Variants in RAB3B observed in about 807,000 individuals in gnomAD.
The protein encoded by RAB3B is RAB3B, member RAS oncogene family.
RAB3B carries 11 observed loss-of-function variants against 20.5 expected under a neutral mutation model. The observed-to-expected ratio is 0.54, with a 90% CI of 0.34 to 0.89. The LOEUF is 0.89. RAB3B is among the 40% of genes least tolerant of loss of function. RAB3B has a pLI of 0.02. For synonymous variants in RAB3B, 99 were observed against 106.3 expected (o/e 0.93, Z 0.42); for missense variants, 225 against 280.9 (o/e 0.80, Z 1.42).
chr1:51,947,748 A>G (rs1684584766), intron 2 of RAB3B, among the ~76,000 whole-genome samples: 1 of 152,000 alleles, frequency 6.6e-6, no homozygotes, highest in South Asian at 2.1e-4. Context: ...ACCCTCTCCC[A>G]GCTTCTCTGC....
chr1:51,922,110 C>T (rs1168541069), intron 4 of RAB3B, among the ~76,000 whole-genome samples: 7 of 152,210 alleles, frequency 4.6e-5, no homozygotes, highest in African/African-American at 1.7e-4. Flanking sequence ...TCATTATACT[C>T]AGGCCATAGA....
intron 4 of RAB3B, among the ~76,000 whole-genome samples, chr1:51,928,691 A>G (rs1371039341): frequency 6.6e-6 from 1 of 152,050 alleles, no homozygotes; most frequent in African/African-American, 2.4e-5. Flanking sequence ...GCATCATCTG[A>G]TCTCTCCCCA....
intron 3 of RAB3B, among the ~76,000 whole-genome samples, chr1:51,936,256 C>T (rs928707236): frequency 6.6e-6 from 1 of 152,148 alleles, no homozygotes; most frequent in African/African-American, 2.4e-5. Flanking sequence ...ATGTGTCCTT[C>T]CCCTCAGGCT....
At position 51,915,481 on chromosome 1, in the gene RAB3B, C is replaced by T. The variant is rs1388840273; in HGVS notation, c.*4446G>A. Reference sequence around the variant, plus strand: ...TAAGCTCCTTTCCAGATCTGATAATCGATGAGTCTGTGACCATTCAGTACA... The same window carrying T: ...TAAGCTCCTTTCCAGATCTGATAATTGATGAGTCTGTGACCATTCAGTACA... On this transcript the variant is annotated 3_prime_UTR_variant, in exon 5 of 5. Coordinates refer to ENST00000371655, the MANE Select transcript of RAB3B (RefSeq NM_002867.4). 1.3e-5 allele frequency: 2 copies of T among 152,092 alleles called. No individual in the cohort carries two copies. The highest frequency in any genetic ancestry group is 2.9e-5 in the Non-Finnish European group (2 of 68,020). 9.4% of individuals were successfully genotyped at this position (152,092 alleles called of 1,614,324 possible).
Position 51,915,931 on chromosome 1 carries a change from A to T in RAB3B, c.*3996T>A, listed in dbSNP as rs563785556. Reference sequence around the variant, plus strand: ...GGTCTTGAACTCCTGACCTCAGGTGATCTGCCCACCTCGGCCTCCCAAAGT... The same window carrying T: ...GGTCTTGAACTCCTGACCTCAGGTGTTCTGCCCACCTCGGCCTCCCAAAGT... On this transcript the variant is annotated 3_prime_UTR_variant, in exon 5 of 5. Transcript: ENST00000371655. 1 of 152,244 alleles carries T rather than the reference A, an allele frequency of 6.6e-6. No homozygotes were observed. The highest frequency in any genetic ancestry group is 1.5e-5 in the Non-Finnish European group (1 of 68,080). The allele number at this position is 152,244 out of a possible 1,614,324, so 9.4% of individuals were successfully genotyped here.
At chr1:51,939,454 C>G (rs1293593435) in intron 2 of RAB3B, among the ~76,000 whole-genome samples, 1 of 152,026 alleles carries the variant, frequency 6.6e-6, no homozygotes, top group Non-Finnish European at 1.5e-5. Context: ...GGGTCTCACT[C>G]TGTCACTCAA....
In RAB3B at chr1:51,908,840, C is replaced by T. The variant is rs1165270513; in HGVS notation, c.*11087G>A. The T allele has an allele frequency of 6.6e-6, 1 of 152,218 alleles. No individual in the cohort carries two copies. The highest frequency in any genetic ancestry group is 1.5e-5 in the Non-Finnish European group (1 of 68,128). The allele number at this position is 152,218 out of a possible 1,614,324, so 9.4% of individuals were successfully genotyped here. ...CACTGATGCAGGCCTCAGTCTTCCTCATCTGTACTGGAAATAATAAAACCC... is the reference window on the plus strand; with the variant it reads ...CACTGATGCAGGCCTCAGTCTTCCTTATCTGTACTGGAAATAATAAAACCC... On this transcript the variant is annotated 3_prime_UTR_variant, in exon 5 of 5. Coordinates refer to ENST00000371655, the MANE Select transcript of RAB3B (RefSeq NM_002867.4).
At position 51,914,158 on chromosome 1, in the gene RAB3B, C is replaced by T. The variant is rs1684048917; in HGVS notation, c.*5769G>A. 6.6e-6 allele frequency: 1 copy of T among 152,198 alleles called. No individual in the cohort carries two copies. Among genetic ancestry groups the T allele is most frequent in the South Asian group, 2.1e-4 (1 of 4,820 alleles). The allele number at this position is 152,198 out of a possible 1,614,324, so 9.4% of individuals were successfully genotyped here. A position where few individuals can be genotyped will look rare whatever the true frequency, so the allele number is the denominator to read the frequency against. On this transcript the variant is annotated 3_prime_UTR_variant, in exon 5 of 5. Coordinates refer to ENST00000371655, the MANE Select transcript of RAB3B (RefSeq NM_002867.4). Reference sequence around the variant, plus strand: ...GTCCTTCAGAAAACAACAATGAACTCCTAGCCAGGCAGTCTAACAATGTTT... The same window carrying T: ...GTCCTTCAGAAAACAACAATGAACTTCTAGCCAGGCAGTCTAACAATGTTT...
chr1:51,942,330 T>C (rs960018379), intron 2 of RAB3B, among the ~76,000 whole-genome samples: 2 of 152,220 alleles, frequency 1.3e-5, no homozygotes, highest in Admixed American at 6.5e-5. Context: ...GTCACCCAAC[T>C]GAATCCCAAC....
intron 4 of RAB3B, among the ~76,000 whole-genome samples, chr1:51,926,920 T>G (rs1266735062): frequency 1.3e-5 from 2 of 152,238 alleles, no homozygotes; most frequent in Non-Finnish European, 2.9e-5. Flanking sequence ...ACTGGTTTAC[T>G]GTACTGGTGA....
chr1:51,937,456 T>C (rs1407200238), intron 2 of RAB3B, 44 bp from the exon 3 acceptor site: 1 of 1,415,178 alleles, frequency 7.1e-7, no homozygotes, highest in Non-Finnish European at 9.6e-7. Flanking sequence ...AAAGTCTGCT[T>C]TGGTTCCTAA....
At chr1:51,949,870 T>A (rs1684614574) in intron 2 of RAB3B, among the ~76,000 whole-genome samples, 1 of 152,150 alleles carries the variant, frequency 6.6e-6, no homozygotes, top group African/African-American at 2.4e-5. Context: ...GCCTTTTGGG[T>A]ACTTGCATTC....
chr1:51,918,018 C>G lies in RAB3B; in HGVS notation c.*1909G>C, dbSNP rs943585844. On this transcript the variant is annotated 3_prime_UTR_variant, in exon 5 of 5. Transcript: ENST00000371655. ...AGAGAAGAAAGGTTTTCTGGAATCA[C>G]TGCCAGTTCCATGTCATTATTTCAG... 6.6e-6 allele frequency: 1 copy of G among 152,232 alleles called. No individual in the cohort carries two copies. Among genetic ancestry groups the G allele is most frequent in the African/African-American group, 2.4e-5 (1 of 41,458 alleles). The allele number at this position is 152,232 out of a possible 1,614,324, so 9.4% of individuals were successfully genotyped here.
At position 51,911,324 on chromosome 1, in the gene RAB3B, T is replaced by C. The variant is rs1174724995; in HGVS notation, c.*8603A>G. 1 of 152,254 alleles carries C rather than the reference T, an allele frequency of 6.6e-6. No homozygotes were observed. The allele number at this position is 152,254 out of a possible 1,614,324, so 9.4% of individuals were successfully genotyped here. On this transcript the variant is annotated 3_prime_UTR_variant, in exon 5 of 5. Transcript: ENST00000371655. ...CGAGGGTAGGCTTCTTTTCAGATTA[T>C]ACATTCTGGATCAGAAAGTCTATAT...
chr1:51,937,259 T>C (rs779560735), intron 3 of RAB3B, 35 bp downstream of exon 3: 3 of 1,500,904 alleles, frequency 2.0e-6, no homozygotes, highest in Non-Finnish European at 2.8e-6. Context: ...TAATGAACAG[T>C]TTGTTAAATG....
In RAB3B at chr1:51,977,057, A is replaced by G; in HGVS notation, c.61T>C (p.Tyr21His). Residue 21 changes from tyrosine (Y) to histidine (H), a missense_variant, in exon 2 of 5, where the codon TAC becomes CAC. Transcript: ENST00000371655. ...CCAATGATAAGCAGTTTAAACATGT[A>G]GTCAAAATTCTGGTCAGAGGCATCT... ...VKDASDQNFD[Y>H]MFKLLIIGNS... 1.2e-6 allele frequency: 2 copies of G among 1,614,190 alleles called. No homozygotes were observed. The highest frequency in any genetic ancestry group is 1.7e-6 in the Non-Finnish European group (2 of 1,180,028).
chr1:51,930,978 C>G (rs1165087901), intron 4 of RAB3B, among the ~76,000 whole-genome samples: 2 of 151,946 alleles, frequency 1.3e-5, no homozygotes, highest in Non-Finnish European at 2.9e-5. Flanking sequence ...GATCGCCCCA[C>G]TGCACTCCAG....
At position 51,914,536 on chromosome 1, in the gene RAB3B, G is replaced by A. The variant is rs1407658777; in HGVS notation, c.*5391C>T. ...TCTAATTTGCCACTACTTGTATCCT[G>A]GCACATAATATATATTCATTTGTTG... On this transcript the variant is annotated 3_prime_UTR_variant, in exon 5 of 5. Transcript: ENST00000371655. 1 of 151,896 alleles carries A rather than the reference G, an allele frequency of 6.6e-6. No homozygotes were observed. The highest frequency in any genetic ancestry group is 6.6e-5 in the Admixed American group (1 of 15,260). 9.4% of individuals were successfully genotyped at this position (151,896 alleles called of 1,614,324 possible).
intron 2 of RAB3B, among the ~76,000 whole-genome samples, chr1:51,976,024 T>C (rs1321199671): frequency 6.6e-6 from 1 of 151,442 alleles, no homozygotes; most frequent in Admixed American, 6.6e-5. Context: ...AGCTCCAGTG[T>C]ATGTTTCAGA....
Sources: gnomAD v4.1 joint callset for allele counts (sites outside exome capture counted in the v4.1 genomes callset) on GRCh38, gnomAD v4.1.1 for gene constraint, MANE v1.5 for transcripts, NCBI Gene and HGNC (gene_info 2026-07-23, HGNC 2026-07-21) for gene names.